Variants in S100PBP observed in about 807,000 individuals in gnomAD.
S100PBP encodes the protein S100P binding protein, also known as S100P-binding protein.
In S100PBP, 15 loss-of-function variants were observed where a neutral mutation model predicts 39.9. The ratio of observed to expected loss-of-function variants is 0.38; its 90% CI spans 0.25 to 0.58. S100PBP has a LOEUF of 0.58. Among genes scored for constraint, S100PBP ranks in the 20% least tolerant of loss-of-function variants. S100PBP has a pLI of 0.70. For missense variants in S100PBP, 504 were observed against 487.3 expected (o/e 1.03, Z -0.32); for synonymous variants, 178 against 180.3 (o/e 0.99, Z 0.10).
intron 5 of S100PBP, among the ~76,000 whole-genome samples, chr1:32,845,335 T>C (rs2148681217): frequency 6.6e-6 from 1 of 152,178 alleles, no homozygotes; most frequent in South Asian, 2.1e-4. Flanking sequence ...CCCAGCTACT[T>C]GGGAGGCTGA....
At chr1:32,822,727 T>C (rs1024214226) in intron 1 of S100PBP, among the ~76,000 whole-genome samples, 7 of 152,096 alleles carry the variant, frequency 4.6e-5, no homozygotes, top group African/African-American at 1.7e-4. Flanking sequence ...ATATATGGTA[T>C]TGTTTTGTAT....
At chr1:32,846,372 T>C (rs76673636) in intron 5 of S100PBP, among the ~76,000 whole-genome samples, 26 of 151,604 alleles carry the variant, frequency 1.7e-4, no homozygotes, top group East Asian at 7.7e-4. Context: ...TTTTTTTTTT[T>C]CCAGTCTCAC....
At chr1:32,836,904 T>A (rs1411419901) in intron 5 of S100PBP, 1 of 152,178 alleles carries the variant, frequency 6.6e-6, no homozygotes, top group Non-Finnish European at 1.5e-5. Context: ...ATTGATAGTT[T>A]GATATAAAAT....
chr1:32,822,619 T>TC (rs1042613500), intron 1 of S100PBP, among the ~76,000 whole-genome samples: 1 of 94,628 alleles, frequency 1.1e-5, no homozygotes, highest in African/African-American at 4.7e-5. Flanking sequence ...AGACTCCGTT[T>TC]CAAAAAAAAA....
chr1:32,857,387 C>G lies in S100PBP; in HGVS notation c.*1349C>G, dbSNP rs1276872896. The G allele has an allele frequency of 1.3e-5, 2 of 152,110 alleles. No individual in the cohort carries two copies. Among genetic ancestry groups the G allele is most frequent in the African/African-American group, 4.8e-5 (2 of 41,384 alleles). 9.4% of individuals were successfully genotyped at this position (152,110 alleles called of 1,614,324 possible). ...AGTGCAATGGCGTATCTCCACTCAC[C>G]ACAACCTCCGCCTCCTGGGTTCAAG... On this transcript the variant is annotated 3_prime_UTR_variant, in exon 7 of 7. Transcript: ENST00000373475.
At chr1:32,819,478 C>T (rs1201468313) in intron 1 of S100PBP, among the ~76,000 whole-genome samples, 2 of 152,158 alleles carry the variant, frequency 1.3e-5, no homozygotes, top group Non-Finnish European at 2.9e-5. Flanking sequence ...GCATGAGAAT[C>T]GCTTGAAACT....
At chr1:32,848,138 C>G (rs1640459626) in intron 5 of S100PBP, among the ~76,000 whole-genome samples, 1 of 152,092 alleles carries the variant, frequency 6.6e-6, no homozygotes, top group Non-Finnish European at 1.5e-5. Context: ...GAAACCCCAT[C>G]TCTACTAAAA....
At chr1:32,824,827 C>CATACATATATAT (rs1553128557) in intron 1 of S100PBP, 4 of 129,594 alleles carry the variant, frequency 3.1e-5, no homozygotes, top group Non-Finnish European at 6.2e-5. Flanking sequence ...TTTTTCTATA[C>CATACATATATAT]ATATATATAT....
intron 5 of S100PBP, among the ~76,000 whole-genome samples, chr1:32,839,230 A>G (rs536948630): frequency 1.3e-5 from 2 of 152,274 alleles, no homozygotes; most frequent in South Asian, 4.2e-4. Context: ...AGTCAGACAA[A>G]GTGGTATTTG....
intron 5 of S100PBP, among the ~76,000 whole-genome samples, chr1:32,840,051 C>T (rs1024355198): frequency 6.6e-6 from 1 of 152,142 alleles, no homozygotes; most frequent in Non-Finnish European, 1.5e-5. Flanking sequence ...GCGGTGCAAT[C>T]TCAGCTCACT....
At chr1:32,828,941 G>C (rs2148650131) in intron 4 of S100PBP, among the ~76,000 whole-genome samples, 1 of 152,282 alleles carries the variant, frequency 6.6e-6, no homozygotes, top group Admixed American at 6.5e-5. Context: ...GACAGAGGTT[G>C]CACTGAGCCG....
chr1:32,831,095 C>G (rs1032032265), intron 5 of S100PBP, among the ~76,000 whole-genome samples: 1 of 141,912 alleles, frequency 7.0e-6, no homozygotes, highest in African/African-American at 2.6e-5. Context: ...AAAAAAAAAT[C>G]ACTCCATATT....
upstream of S100PBP, chr1:32,817,013 G>A (rs1638761429): frequency 2.5e-6 from 2 of 792,762 alleles, no homozygotes; most frequent in Admixed American, 4.4e-5. Context: ...GGGGAACCCA[G>A]GGAAGGGCTG....
In S100PBP at chr1:32,828,033, A is replaced by G. The variant is rs757442817; in HGVS notation, c.872A>G (p.His291Arg). The G allele has an allele frequency of 8.1e-6, 13 of 1,612,254 alleles. No homozygotes were observed. Among genetic ancestry groups the G allele is most frequent in the Middle Eastern group, 1.6e-4 (1 of 6,078 alleles). The change falls in exon 4 of 7, where the codon CAT becomes CGT. Residue 291 changes from histidine to arginine, a missense_variant. Coordinates refer to ENST00000373475, the MANE Select transcript of S100PBP (RefSeq NM_022753.4). ...AAGGATTCTGGGAAGATGAAAGGCC[A>G]TGAGAGAAGACTAGGCAAAGTCATT... ...LNKDSGKMKG[H>R]ERRLGKVIPV...
chr1:32,837,386 A>G (rs1160789871), intron 5 of S100PBP, among the ~76,000 whole-genome samples: 1 of 145,702 alleles, frequency 6.9e-6, no homozygotes, highest in Non-Finnish European at 1.5e-5. Context: ...CCCAGGTTCA[A>G]GCAGTTCTCC....
chr1:32,817,422 A>G, upstream of S100PBP: 4 of 724,398 alleles, frequency 5.5e-6, no homozygotes, highest in Non-Finnish European at 9.3e-6. Context: ...AGTGAGGAGC[A>G]GCAGAGAGTC....
intron 5 of S100PBP, among the ~76,000 whole-genome samples, chr1:32,842,221 G>GTATATATATATATATATATATGTATATA (rs373787383): frequency 1.1e-5 from 1 of 91,758 alleles, no homozygotes; most frequent in Non-Finnish European, 2.0e-5. Context: ...ATATATATAT[G>GTATATATATATATATATATATGTATATA]TATATATATA....
At chr1:32,840,918 T>C (rs1012058543) in intron 5 of S100PBP, among the ~76,000 whole-genome samples, 1 of 151,736 alleles carries the variant, frequency 6.6e-6, no homozygotes, top group African/African-American at 2.4e-5. Context: ...CCCAGCACTT[T>C]GGGAGGCCGA....
Position 32,817,658 on chromosome 1 carries a change from C to G in S100PBP, c.-151C>G. ...CGCAGGGGGCGGAGTGAGGCGCAGT[C>G]GTTCGCCCAGGCTTTGGCCCGGCTT... On this transcript the variant is annotated 5_prime_UTR_variant, in exon 1 of 7. Transcript: ENST00000373475. 4.0e-6 allele frequency: 1 copy of G among 249,540 alleles called. No individual in the cohort carries two copies. The allele number at this position is 249,540 out of a possible 1,614,324, so 15.5% of individuals were successfully genotyped here. A position where few individuals can be genotyped will look rare whatever the true frequency, so the allele number is the denominator to read the frequency against.
Sources: allele counts gnomAD v4.1 joint callset (sites outside exome capture counted in the v4.1 genomes callset), GRCh38; gene constraint gnomAD v4.1.1; transcripts MANE v1.5; gene names NCBI Gene and HGNC (gene_info 2026-07-23, HGNC 2026-07-21).